Variants in BTBD8 observed in about 807,000 individuals in gnomAD.
The protein encoded by BTBD8 is BTB domain containing 8.
BTBD8 carries 110 observed loss-of-function variants against 162.9 expected under a neutral mutation model. The observed-to-expected ratio is 0.68, with a 90% CI of 0.58 to 0.79. The LOEUF (loss-of-function observed/expected upper bound fraction) is 0.79, where lower values mean the gene tolerates loss of function less well. Ranked by LOEUF, BTBD8 falls within the 30% of genes least tolerant of loss-of-function variation. BTBD8 has a pLI of 0.00. For synonymous variants in BTBD8, 667 were observed against 716.1 expected, an observed-to-expected ratio of 0.93 and a Z score of 1.10; for missense variants, 1,905 against 2,085.4, an observed-to-expected ratio of 0.91 and a Z score of 1.68.
chr1:92,114,977 C>T, intron 4 of BTBD8: 1 of 283,202 alleles, frequency 3.5e-6, no homozygotes, highest in Non-Finnish European at 6.9e-6. Flanking sequence ...ATCTGGTGCT[C>T]ATTGTAGCCC....
intron 7 of BTBD8, among the ~76,000 whole-genome samples, chr1:92,144,875 A>G (rs747135128): frequency 6.6e-6 from 1 of 151,910 alleles, no homozygotes; most frequent in Admixed American, 6.6e-5. Context: ...TATATAACTT[A>G]AAGTATCTCC....
chr1:92,109,789 C>T (rs190278643), intron 4 of BTBD8, among the ~76,000 whole-genome samples: 1 of 152,306 alleles, frequency 6.6e-6, no homozygotes, highest in East Asian at 1.9e-4. Flanking sequence ...AACATTGGAA[C>T]TTTCTCAATT....
rs943600556 is a variant in BTBD8, at chr1:92,080,397, G to T, written c.-175G>T. The T allele has an allele frequency of 9.0e-6, 8 of 890,222 alleles. No homozygotes were observed. In the South Asian group the frequency reaches 1.1e-4, roughly 12 times the overall value. The allele number at this position is 890,222 out of a possible 1,614,324, so 55.1% of individuals were successfully genotyped here. A position where few individuals can be genotyped will look rare whatever the true frequency, so the allele number is the denominator to read the frequency against. On this transcript the variant is annotated 5_prime_UTR_variant, in exon 1 of 18. Coordinates refer to ENST00000636805, the MANE Select transcript of BTBD8 (RefSeq NM_001376131.1). ...CTGGGATTCTGAGGCTCCCCACCGC[G>T]GTCCGGCTTCTCTGGGAGACTGTCT...
Position 92,180,520 on chromosome 1 carries a change from T to G in BTBD8, c.2837T>G (p.Val946Gly), listed in dbSNP as rs1486171946. 1 of 1,551,354 alleles carries G rather than the reference T, an allele frequency of 6.4e-7. No homozygotes were observed. Among genetic ancestry groups the G allele is most frequent in the African/African-American group, 1.4e-5 (1 of 72,996 alleles). The part of the protein sequence containing the change: ...DSKQKMPPGQ[V>G]ISKTQPSSQR... ...AAACAGAAAATGCCTCCTGGACAGG[T>G]TATATCAAAAACTCAGCCTTCCTCC... The change falls in exon 17 of 18, where the codon GTT (valine) becomes GGT (glycine). Residue 946 changes from valine (V) to glycine (G), a missense_variant. Coordinates refer to ENST00000636805, the MANE Select transcript of BTBD8 (RefSeq NM_001376131.1).
chr1:92,122,155 A>C (rs568105435), intron 4 of BTBD8, among the ~76,000 whole-genome samples: 2 of 152,210 alleles, frequency 1.3e-5, no homozygotes, highest in African/African-American at 4.8e-5. Context: ...GATTGATTCA[A>C]TTTTTATTGC....
chr1:92,108,550 T>G (rs1648803080), intron 4 of BTBD8, among the ~76,000 whole-genome samples: 1 of 152,228 alleles, frequency 6.6e-6, no homozygotes, highest in Non-Finnish European at 1.5e-5. Context: ...TTAAAAACCA[T>G]TGTTCTGCTT....
rs1347418106 is a variant in BTBD8 at position 92,088,730 on chromosome 1, C to T, written c.182C>T (p.Thr61Ile). 1 of 1,610,794 alleles carries T rather than the reference C, an allele frequency of 6.2e-7. No homozygotes were observed. The highest frequency in any genetic ancestry group is 2.2e-5 in the East Asian group (1 of 44,686). The change falls in exon 2 of 18, where the codon ACC becomes ATC. Residue 61 changes from threonine to isoleucine, a missense_variant. Coordinates refer to ENST00000636805, the MANE Select transcript of BTBD8 (RefSeq NM_001376131.1). ...LLREEFHTDV[T>I]FSVGCTLFKA... is the part of the protein sequence containing the mutation. ...AGGGAAGAATTCCATACAGATGTTA[C>T]CTTCTCTGTGGGTTGTACTTTGTTC...
intron 6 of BTBD8, among the ~76,000 whole-genome samples, chr1:92,140,214 T>C (rs1422526512): frequency 3.3e-5 from 5 of 151,336 alleles, no homozygotes; most frequent in African/African-American, 7.3e-5. Context: ...TTGAGCCCAG[T>C]AGATCGAGAT....
At chr1:92,133,313 G>C (rs1372332013) in intron 5 of BTBD8, among the ~76,000 whole-genome samples, 1 of 152,186 alleles carries the variant, frequency 6.6e-6, no homozygotes, top group Non-Finnish European at 1.5e-5. Flanking sequence ...AGTATTAAAT[G>C]AGATACAGTA....
rs186829751 is a variant in BTBD8 at position 92,147,286 on chromosome 1, G to C, written c.1019+18G>C. On this transcript the variant is annotated intron_variant, in intron 8 of 17. Coordinates refer to ENST00000636805, the MANE Select transcript of BTBD8 (RefSeq NM_001376131.1). The stretch of plus-strand genomic sequence containing the variant: ...TGCATGAAGTAAGTTATGTTAAGTA[G>C]TGCTGATACTATTAATTTAGGGATT... 1 of 1,556,924 alleles carries C rather than the reference G, an allele frequency of 6.4e-7. No individual in the cohort carries two copies. The highest frequency in any genetic ancestry group is 8.8e-7 in the Non-Finnish European group (1 of 1,138,330).
At chr1:92,157,628 G>C (rs1650190272) in intron 9 of BTBD8, among the ~76,000 whole-genome samples, 1 of 151,832 alleles carries the variant, frequency 6.6e-6, no homozygotes, top group Non-Finnish European at 1.5e-5. Context: ...CTTCCAAGTA[G>C]CTGGAACTAC....
chr1:92,177,018 G>T lies in BTBD8; in HGVS notation c.1825G>T (p.Glu609Ter). The T allele has an allele frequency of 6.5e-7, 1 of 1,548,362 alleles. No individual in the cohort carries two copies. Among genetic ancestry groups the T allele is most frequent in the South Asian group, 1.2e-5 (1 of 83,558 alleles). Residue 609 changes from glutamate (E) to a stop codon, truncating the protein, a stop_gained, in exon 14 of 18, where the codon GAA becomes TAA. Coordinates refer to ENST00000636805, the MANE Select transcript of BTBD8 (RefSeq NM_001376131.1). LOFTEE classifies it high-confidence loss of function. ...AACTCTGAAGCAAGATGATGTAAAG[G>T]AAAAAGATGGTACAAAAATAGCATC... ...NKTLKQDDVKEKDGTKIASKI... is the reference protein window; with the variant it reads ...NKTLKQDDVK
At chr1:92,146,208 T>G (rs1225767412) in intron 7 of BTBD8, among the ~76,000 whole-genome samples, 1 of 66,158 alleles carries the variant, frequency 1.5e-5, no homozygotes, top group Non-Finnish European at 2.5e-5. Flanking sequence ...TGTGCATTCT[T>G]GACAGCCAAA....
intron 5 of BTBD8, among the ~76,000 whole-genome samples, chr1:92,137,049 A>G (rs1394546137): frequency 3.3e-5 from 5 of 152,228 alleles, no homozygotes; most frequent in Non-Finnish European, 2.9e-5. Context: ...TTTTAAGCAC[A>G]GTGAACGGTA....
intron 4 of BTBD8, among the ~76,000 whole-genome samples, chr1:92,119,901 T>C (rs1366579013): frequency 3.9e-4 from 49 of 124,216 alleles, no homozygotes; most frequent in African/African-American, 1.0e-3. Flanking sequence ...TTCTTTTTTT[T>C]TTTTTTTTTT....
At chr1:92,170,456 C>T (rs1473101677) in intron 12 of BTBD8, among the ~76,000 whole-genome samples, 3 of 151,968 alleles carry the variant, frequency 2.0e-5, no homozygotes, top group African/African-American at 7.3e-5. Context: ...AGTTTAATTT[C>T]TTCCTGTGTA....
chr1:92,139,277 A>T, intron 5 of BTBD8, 73 bp from the exon 6 acceptor site: 1 of 1,476,316 alleles, frequency 6.8e-7, no homozygotes, highest in Non-Finnish European at 9.0e-7. Flanking sequence ...CTCGAAGTTT[A>T]TGGGAAAATA....
rs540428881 is a variant in BTBD8 at position 92,141,481 on chromosome 1, A to G, written c.930+270A>G. Among the ~76,000 whole-genome samples the G allele has an allele frequency of 1.3e-3, 202 of 152,276 alleles. 1 individual carries two copies. The highest frequency in any genetic ancestry group is 4.7e-3 in the African/African-American group (197 of 41,582). On this transcript the variant is annotated intron_variant, in intron 7 of 17. Coordinates refer to ENST00000636805, the MANE Select transcript of BTBD8 (RefSeq NM_001376131.1). ...AATTCAAAGGTGCTCAGAGTTTGGA[A>G]CTAGGAGAAAGGAAGTTAAGAACTA...
intron 1 of BTBD8, among the ~76,000 whole-genome samples, chr1:92,087,990 ATCAC>A (rs1406081661): frequency 1.3e-5 from 2 of 152,242 alleles, no homozygotes; most frequent in South Asian, 4.1e-4. Flanking sequence ...CTATTCTTCT[ATCAC>A]TCACGTATAC....
Sources: gnomAD v4.1 joint callset for allele counts (sites outside exome capture counted in the v4.1 genomes callset) on GRCh38, gnomAD v4.1.1 for gene constraint, MANE v1.5 for transcripts, NCBI Gene and HGNC (gene_info 2026-07-23, HGNC 2026-07-21) for gene names.